ZDHHC14: variants seen among roughly 807,000 people sequenced by gnomAD.
The protein encoded by ZDHHC14 is zDHHC palmitoyltransferase 14, also known as palmitoyltransferase ZDHHC14.
A neutral mutation model predicts 47.7 loss-of-function variants in ZDHHC14; 16 were observed. The ratio of observed to expected loss-of-function variants is 0.34; its 90% CI spans 0.23 to 0.51. The LOEUF (loss-of-function observed/expected upper bound fraction) is 0.51, where lower values mean the gene tolerates loss of function less well. Among genes scored for constraint, ZDHHC14 ranks in the 20% least tolerant of loss-of-function variants. The probability of loss-of-function intolerance (pLI) is 0.97; values close to 1 mark genes in which losing one functional copy is unlikely to be tolerated. For missense variants in ZDHHC14, 515 were observed against 662.5 expected (o/e 0.78, Z 2.44); for synonymous variants, 293 against 278.9 (o/e 1.05, Z -0.50).
intron 1 of ZDHHC14, among the ~76,000 whole-genome samples, chr6:157,532,137 C>G (rs1781389424): frequency 6.6e-6 from 1 of 152,366 alleles, no homozygotes. Context: ...CAGCCACACC[C>G]CTGGGCCACC....
At chr6:157,445,134 A>G (rs1220235243) in intron 1 of ZDHHC14, among the ~76,000 whole-genome samples, 1 of 148,132 alleles carries the variant, frequency 6.8e-6, no homozygotes, top group African/African-American at 2.5e-5. Context: ...ACACACACAC[A>G]CACACACACA....
chr6:157,387,430 CT>C (rs1403416232), intron 1 of ZDHHC14, among the ~76,000 whole-genome samples: 2 of 152,208 alleles, frequency 1.3e-5, no homozygotes, highest in African/African-American at 4.8e-5. Context: ...TTACCACCCC[CT>C]GGCCATGCAG....
chr6:157,532,071 A>G (rs1781387457), intron 1 of ZDHHC14, among the ~76,000 whole-genome samples: 1 of 152,190 alleles, frequency 6.6e-6, no homozygotes, highest in Admixed American at 6.5e-5. Context: ...AGCACTGGGG[A>G]AGGAGCCGCT....
At chr6:157,496,701 G>A (rs768237213) in intron 1 of ZDHHC14, among the ~76,000 whole-genome samples, 41 of 152,254 alleles carry the variant, frequency 2.7e-4, no homozygotes, top group Non-Finnish European at 4.6e-4. Flanking sequence ...TACAGTTTAA[G>A]AAAGAACATG....
At chr6:157,405,465 C>T (rs1488344501) in intron 1 of ZDHHC14, among the ~76,000 whole-genome samples, 1 of 152,150 alleles carries the variant, frequency 6.6e-6, no homozygotes, top group Non-Finnish European at 1.5e-5. Context: ...ATCTCCTGAC[C>T]TCGTGATCCA....
intron 1 of ZDHHC14, among the ~76,000 whole-genome samples, chr6:157,384,557 G>A (rs1777275219): frequency 6.6e-6 from 1 of 152,126 alleles, no homozygotes; most frequent in South Asian, 2.1e-4. Flanking sequence ...GTGTGTGTTT[G>A]CTCTCCATGG....
At chr6:157,458,493 C>G (rs1255827129) in intron 1 of ZDHHC14, among the ~76,000 whole-genome samples, 1 of 151,940 alleles carries the variant, frequency 6.6e-6, no homozygotes, top group Non-Finnish European at 1.5e-5. Flanking sequence ...GCTTTTTTCC[C>G]TCTTGAAAAT....
chr6:157,595,841 G>T (rs1784106767), intron 3 of ZDHHC14, among the ~76,000 whole-genome samples: 2 of 152,198 alleles, frequency 1.3e-5, no homozygotes, highest in Admixed American at 1.3e-4. Flanking sequence ...CAAAGTCACG[G>T]TGGCCACCCA....
chr6:157,445,447 A>T (rs1264732689), intron 1 of ZDHHC14, among the ~76,000 whole-genome samples: 1 of 152,148 alleles, frequency 6.6e-6, no homozygotes, highest in Non-Finnish European at 1.5e-5. Context: ...CATGTCATGC[A>T]GTTAGTTGTC....
chr6:157,612,130 T>C (rs534676914), intron 3 of ZDHHC14, among the ~76,000 whole-genome samples: 7 of 152,348 alleles, frequency 4.6e-5, no homozygotes, highest in Non-Finnish European at 1.0e-4. Context: ...CCTGCTCACC[T>C]AATCCATCAC....
chr6:157,549,629 C>T (rs912834803), intron 2 of ZDHHC14, among the ~76,000 whole-genome samples: 3 of 152,054 alleles, frequency 2.0e-5, no homozygotes, highest in African/African-American at 4.8e-5. Flanking sequence ...CTCGGGATGT[C>T]GAGATTCCGA....
chr6:157,443,330 C>T (rs986028895), intron 1 of ZDHHC14, among the ~76,000 whole-genome samples: 3 of 152,164 alleles, frequency 2.0e-5, no homozygotes, highest in African/African-American at 4.8e-5. Flanking sequence ...TACCCAGTCT[C>T]GGATATTTCT....
chr6:157,541,897 G>A (rs926988065), intron 1 of ZDHHC14, among the ~76,000 whole-genome samples: 9 of 152,234 alleles, frequency 5.9e-5, no homozygotes, highest in Middle Eastern at 3.2e-3. Context: ...CGAGTTAAGA[G>A]TTGGGCCATG....
At chr6:157,640,755 G>A (rs1283172446) in intron 5 of ZDHHC14, among the ~76,000 whole-genome samples, 2 of 152,242 alleles carry the variant, frequency 1.3e-5, no homozygotes, top group Non-Finnish European at 2.9e-5. Context: ...AGACCACAAG[G>A]TGGGAAGGAG....
At chr6:157,413,577 C>T in intron 1 of ZDHHC14, among the ~76,000 whole-genome samples, 1 of 148,998 alleles carries the variant, frequency 6.7e-6, no homozygotes, top group Admixed American at 6.7e-5. Flanking sequence ...TAAAGCTTTT[C>T]TTCCTTCCTT....
At chr6:157,624,741 AGT>A (rs1785334568) in intron 3 of ZDHHC14, among the ~76,000 whole-genome samples, 1 of 152,196 alleles carries the variant, frequency 6.6e-6, no homozygotes, top group African/African-American at 2.4e-5. Context: ...ATAAGATGAG[AGT>A]GTATTCAGTT....
rs576917075 is a variant in ZDHHC14, at chr6:157,533,741, G to A, written c.246-8844G>A. 5.3e-4 allele frequency among the ~76,000 whole-genome samples: 81 copies of A among 152,326 alleles called. 2 individuals are homozygous for A. The highest frequency in any genetic ancestry group is 1.6e-3 in the African/African-American group (65 of 41,572). On this transcript the variant is annotated intron_variant, in intron 1 of 8. Coordinates refer to ENST00000359775, the MANE Select transcript of ZDHHC14 (RefSeq NM_024630.3). ...CAGCCTAGGGGGAAGCAGAAGAGCC[G>A]GGCCATGCTTTGATGGGCTCAGGAG...
At chr6:157,570,754 T>TAC (rs67259133) in intron 2 of ZDHHC14, among the ~76,000 whole-genome samples, 1,888 of 142,346 alleles carry the variant, frequency 0.013, 22 homozygotes, top group Middle Eastern at 0.052. Context: ...TGTATATACA[T>TAC]ACACACACAC....
At chr6:157,539,363 CA>C (rs1430758415) in intron 1 of ZDHHC14, among the ~76,000 whole-genome samples, 1 of 151,862 alleles carries the variant, frequency 6.6e-6, no homozygotes, top group African/African-American at 2.4e-5. Context: ...ATGATCATAC[CA>C]CTGCACTCCA....
Sources: gnomAD v4.1 joint callset for allele counts (sites outside exome capture counted in the v4.1 genomes callset) on GRCh38, gnomAD v4.1.1 for gene constraint, MANE v1.5 for transcripts, NCBI Gene and HGNC (gene_info 2026-07-23, HGNC 2026-07-21) for gene names.